Variants in PTPRE observed in about 807,000 individuals in gnomAD.
The protein encoded by PTPRE is protein tyrosine phosphatase receptor type E.
A neutral mutation model predicts 102.0 loss-of-function variants in PTPRE; 51 were observed. That is an observed-to-expected ratio of 0.50 (90% confidence interval 0.40 to 0.63). The LOEUF (loss-of-function observed/expected upper bound fraction) is 0.63. PTPRE is among the 30% of genes least tolerant of loss of function. PTPRE has a pLI of 0.00. For missense variants in PTPRE, 752 were observed against 915.1 expected (o/e 0.82, Z 2.30); for synonymous variants, 345 against 348.2 (o/e 0.99, Z 0.10).
At chr10:127,972,506 T>C (rs986262207) in intron 1 of PTPRE, among the ~76,000 whole-genome samples, 1 of 152,210 alleles carries the variant, frequency 6.6e-6, no homozygotes, top group Non-Finnish European at 1.5e-5. Context: ...CAGTGCTACA[T>C]GTGGCCCCAC....
intron 1 of PTPRE, among the ~76,000 whole-genome samples, chr10:127,966,041 C>A (rs1448186616): frequency 6.6e-6 from 1 of 152,264 alleles, no homozygotes; most frequent in Non-Finnish European, 1.5e-5. Context: ...GACTCCCACA[C>A]TCACTGTACA....
rs1848508193 is a variant in PTPRE, at chr10:127,944,696, T to C, written c.-31+37387T>C. ...TGAGCAGGAGAGTGACAAATGGAAC[T>C]GTGTATTTGAAAGATCTCTGTGGCT... On this transcript the variant is annotated intron_variant, in intron 1 of 20. Coordinates refer to ENST00000254667, the MANE Select transcript of PTPRE (RefSeq NM_006504.6). The surrounding 1 kb of genome is among the most constrained non-coding windows in gnomAD (Gnocchi z 4.2). Among the ~76,000 whole-genome samples, 7 of 152,170 alleles carry C rather than the reference T, an allele frequency of 4.6e-5. No individual in the cohort carries two copies. The South Asian group carries it at 1.4e-3, about 31-fold the overall frequency.
At chr10:127,919,912 G>T (rs1351725267) in intron 1 of PTPRE, among the ~76,000 whole-genome samples, 1 of 151,932 alleles carries the variant, frequency 6.6e-6, no homozygotes, top group African/African-American at 2.4e-5. Context: ...ATTTTACTTA[G>T]CAGTGGATTT....
chr10:128,016,399 A>G (rs58982649), intron 2 of PTPRE, among the ~76,000 whole-genome samples: 27,231 of 151,974 alleles, frequency 0.18, 2,816 homozygotes, highest in Non-Finnish European at 0.22. Context: ...ATCCTTCACC[A>G]CCAGCCATCC....
intron 2 of PTPRE, among the ~76,000 whole-genome samples, chr10:128,020,234 T>C (rs1049445644): frequency 6.6e-6 from 1 of 152,260 alleles, no homozygotes. Context: ...GTTGTACATA[T>C]GGATGTAAAT....
chr10:128,047,413 C>T lies in PTPRE; in HGVS notation c.133C>T (p.Gln45Ter). 1 of 1,613,158 alleles carries T rather than the reference C, an allele frequency of 6.2e-7. No homozygotes were observed. Among genetic ancestry groups the T allele is most frequent in the Non-Finnish European group, 8.5e-7 (1 of 1,179,960 alleles). The change falls in exon 4 of 21, where the codon CAG becomes TAG. Residue 45 changes from glutamine (Q) to a stop codon, truncating the protein, a stop_gained. Transcript: ENST00000254667. LOFTEE classifies it high-confidence loss of function. ...AGGCCCTCCGGACCCGGGCGCCTCC[C>T]AGCCGCTGCTGGCCTGGCTGCTACT... is the stretch of plus-strand genomic sequence containing the variant. ...TSGPPDPGAS[Q>*]PLLAWLLLPL...
At chr10:128,060,053 A>G (rs528036131) in intron 7 of PTPRE, among the ~76,000 whole-genome samples, 41 of 147,322 alleles carry the variant, frequency 2.8e-4, no homozygotes, top group African/African-American at 1.0e-3. Flanking sequence ...CATACCACAC[A>G]CATACACACC....
chr10:128,006,364 G>A (rs1420534633), intron 2 of PTPRE, among the ~76,000 whole-genome samples: 9 of 152,190 alleles, frequency 5.9e-5, no homozygotes, highest in Admixed American at 5.9e-4. Context: ...CCTGAGCACA[G>A]GAATTGTACG....
intron 2 of PTPRE, among the ~76,000 whole-genome samples, chr10:128,022,696 A>G (rs1444572758): frequency 6.6e-5 from 10 of 152,220 alleles, no homozygotes; most frequent in Non-Finnish European, 1.3e-4. Context: ...ACAGGGAGGC[A>G]CACAGCGCAG....
chr10:128,082,195 CTTTTTTTTTTTTTTT>C (rs35709074), intron 20 of PTPRE, among the ~76,000 whole-genome samples: 1 of 89,036 alleles, frequency 1.1e-5, no homozygotes, highest in African/African-American at 4.6e-5. Context: ...TTTTCTCTTT[CTTTTTTTTTTTTTTT>C]TTTTTTTTTT....
chr10:127,945,218 C>T (rs780214038), intron 1 of PTPRE, among the ~76,000 whole-genome samples: 30 of 152,198 alleles, frequency 2.0e-4, no homozygotes, highest in Admixed American at 8.5e-4. Context: ...TGGGATTAGA[C>T]AGTCTTTAAG....
intron 1 of PTPRE, among the ~76,000 whole-genome samples, chr10:127,949,457 C>T (rs1244503565): frequency 6.6e-6 from 1 of 152,140 alleles, no homozygotes; most frequent in Non-Finnish European, 1.5e-5. Context: ...CTTCTAATAG[C>T]GCAGAGAGCA....
chr10:127,918,897 C>A (rs562181699), intron 1 of PTPRE, among the ~76,000 whole-genome samples: 17 of 152,312 alleles, frequency 1.1e-4, no homozygotes, highest in African/African-American at 3.4e-4. Flanking sequence ...CAAGAGTTAT[C>A]TTCCCTTCAG....
Position 128,049,543 on chromosome 10 carries a change from G to C in PTPRE, c.297G>C (p.Val99=). The C allele has an allele frequency of 6.2e-7, 1 of 1,613,936 alleles. No homozygotes were observed. Among genetic ancestry groups the C allele is most frequent in the Non-Finnish European group, 8.5e-7 (1 of 1,180,018 alleles). ...GILEEQEQQR[V]MLLSRSPSGP... Reference sequence around the variant, plus strand: ...TTGATCCCACAGAGCAGCAAAGGGTGATGCTGCTCAGCAGGTCACCCTCAG... The same window carrying C: ...TTGATCCCACAGAGCAGCAAAGGGTCATGCTGCTCAGCAGGTCACCCTCAG... Residue 99 remains valine, a synonymous_variant, in exon 6 of 21, where the codon GTG becomes GTC. Coordinates refer to ENST00000254667, the MANE Select transcript of PTPRE (RefSeq NM_006504.6).
intron 2 of PTPRE, among the ~76,000 whole-genome samples, chr10:128,033,587 C>T (rs1054004083): frequency 8.5e-5 from 13 of 152,122 alleles, no homozygotes; most frequent in African/African-American, 1.2e-4. Flanking sequence ...GGGTAAAGCT[C>T]GGCATTTGTA....
At chr10:127,979,872 G>C (rs1851472343) in intron 1 of PTPRE, among the ~76,000 whole-genome samples, 1 of 152,092 alleles carries the variant, frequency 6.6e-6, no homozygotes, top group Non-Finnish European at 1.5e-5. Context: ...GCATGGCATT[G>C]GGTTTTATTT....
intron 11 of PTPRE, among the ~76,000 whole-genome samples, chr10:128,067,393 C>CACAT (rs57960187): frequency 0.71 from 106,621 of 149,474 alleles, 38,176 homozygotes; most frequent in East Asian, 0.81. Context: ...CACATGTGCA[C>CACAT]ACACACATAC....
At chr10:128,082,566 A>G (rs1851819874) in intron 20 of PTPRE, among the ~76,000 whole-genome samples, 1 of 151,682 alleles carries the variant, frequency 6.6e-6, no homozygotes, top group African/African-American at 2.4e-5. Context: ...TTCCAGTTTC[A>G]ATGTGAAAGC....
intron 2 of PTPRE, chr10:127,999,804 G>T (rs1042089283): frequency 2.0e-6 from 2 of 985,318 alleles, no homozygotes; most frequent in Non-Finnish European, 2.4e-6. Flanking sequence ...AGCCTCAGAA[G>T]GAAAATTACA....
Sources: allele counts gnomAD v4.1 joint callset (sites outside exome capture counted in the v4.1 genomes callset), GRCh38; gene constraint gnomAD v4.1.1; non-coding constraint Gnocchi (gnomAD v3.1); transcripts MANE v1.5; gene names NCBI Gene and HGNC (gene_info 2026-07-23, HGNC 2026-07-21).